SMG1: variants seen among roughly 807,000 people sequenced by gnomAD.
SMG1 encodes SMG1 nonsense mediated mRNA decay associated PI3K related kinase, also known as serine/threonine-protein kinase SMG1.
In SMG1, 22 loss-of-function variants were observed where a neutral mutation model predicts 419.9. The ratio of observed to expected loss-of-function variants is 0.05; its 90% CI spans 0.04 to 0.07. The LOEUF is 0.07. Ranked by LOEUF, SMG1 falls within the 10% of genes least tolerant of loss-of-function variation. The pLI, the probability that SMG1 is intolerant of heterozygous loss-of-function variation, is 1.00. For missense variants in SMG1, 3,185 were observed against 4,342.0 expected (o/e 0.73, Z 7.49); for synonymous variants, 1,538 against 1,553.5 (o/e 0.99, Z 0.23).
At chr16:18,910,694 T>A (rs573637559) in intron 1 of SMG1, among the ~76,000 whole-genome samples, 19 of 152,180 alleles carry the variant, frequency 1.2e-4, no homozygotes, top group Non-Finnish European at 2.8e-4. Flanking sequence ...TACATTCTTA[T>A]AATGATATGA....
chr16:18,917,007 A>G (rs1251145599), intron 1 of SMG1, among the ~76,000 whole-genome samples: 1 of 152,090 alleles, frequency 6.6e-6, no homozygotes, highest in Non-Finnish European at 1.5e-5. Flanking sequence ...CATTCCATAC[A>G]TGTGTCTAAC....
rs1441464446 is a variant in SMG1, at chr16:18,872,252, T to G, written c.2115A>C (p.Lys705Asn). ...GAAGATTTAATATAATTGAGAAATG[T>G]TTCTTTGTAGCCGTAGTTACAGTGC... The part of the protein sequence containing the change: ...VISTVTTATK[K>N]HFSIILNLLG... Residue 705 changes from lysine to asparagine, a missense_variant, in exon 15 of 63, where the codon AAA (lysine) becomes AAC (asparagine). Coordinates refer to ENST00000446231, the MANE Select transcript of SMG1 (RefSeq NM_015092.5). 1 of 1,594,466 alleles carries G rather than the reference T, an allele frequency of 6.3e-7. No homozygotes were observed. Among genetic ancestry groups the G allele is most frequent in the Non-Finnish European group, 8.6e-7 (1 of 1,166,814 alleles).
intron 11 of SMG1, chr16:18,878,069 T>TC (rs1214260756): frequency 6.6e-6 from 1 of 152,164 alleles, no homozygotes; most frequent in Non-Finnish European, 1.5e-5. Context: ...CTTCAGAATG[T>TC]CCATAATAAA....
chr16:18,836,600 T>C, intron 46 of SMG1, 68 bp from the exon 47 acceptor site: 1 of 1,511,058 alleles, frequency 6.6e-7, no homozygotes, highest in South Asian at 1.2e-5. Context: ...TTTCCTACCC[T>C]GGAATGTGCT....
chr16:18,811,654 TTAAGTTCCTTGATGAACTATTAAGGAAA>T, intron 62 of SMG1, 79 bp downstream of exon 62: 2 of 1,010,306 alleles, frequency 2.0e-6, no homozygotes, highest in Admixed American at 3.9e-5. Context: ...GAAAACACAT[TTAAGTTCCTTGATGAACTATTAAGGAAA>T]TCGATGAGAG....
chr16:18,900,884 T>TA (rs1401531278), intron 1 of SMG1, among the ~76,000 whole-genome samples: 1 of 152,210 alleles, frequency 6.6e-6, no homozygotes, highest in Non-Finnish European at 1.5e-5. Context: ...TAATGCCTCT[T>TA]ACCTGGATTC....
intron 51 of SMG1, among the ~76,000 whole-genome samples, chr16:18,832,295 A>T (rs2033242360): frequency 6.6e-6 from 1 of 152,236 alleles, no homozygotes; most frequent in Non-Finnish European, 1.5e-5. Context: ...TGTCTGCAGG[A>T]ACTGCCCAAA....
chr16:18,842,428 T>A lies in SMG1; in HGVS notation c.6246A>T (p.Ala2082=), dbSNP rs375156509. 1 of 1,613,898 alleles carries A rather than the reference T, an allele frequency of 6.2e-7. No homozygotes were observed. Among genetic ancestry groups the A allele is most frequent in the Non-Finnish European group, 8.5e-7 (1 of 1,179,816 alleles). The change falls in exon 40 of 63, where the codon GCA becomes GCT. Residue 2082 remains alanine, a synonymous_variant. Transcript: ENST00000446231. ...KEIMLSLQQR[A]QKRASYILRL... ...GCAAGATGTAACTTGCACGTTTCTG[T>A]GCTCTCTGTTGCAAACTTAGCATTA...
intron 6 of SMG1, among the ~76,000 whole-genome samples, chr16:18,887,863 A>G (rs2036702412): frequency 6.7e-6 from 1 of 149,550 alleles, no homozygotes; most frequent in Non-Finnish European, 1.5e-5. Context: ...TCTTACTCAA[A>G]ACTAAATCAA....
At chr16:18,832,809 G>T in intron 51 of SMG1, 131 bp downstream of exon 51, 1 of 769,530 alleles carries the variant, frequency 1.3e-6, no homozygotes. Context: ...AAAGATACGT[G>T]TATGAGCATT....
chr16:18,887,162 A>G (rs1384107366), intron 6 of SMG1, among the ~76,000 whole-genome samples: 1 of 152,174 alleles, frequency 6.6e-6, no homozygotes, highest in African/African-American at 2.4e-5. Context: ...TATCATATTT[A>G]CAGGTATTTA....
In SMG1 at chr16:18,806,216, AC is replaced by A. The variant is rs1165233717; in HGVS notation, c.*3352del. 1 of 152,612 alleles carries A rather than the reference AC, an allele frequency of 6.6e-6. No homozygotes were observed. The highest frequency in any genetic ancestry group is 1.9e-4 in the East Asian group (1 of 5,200). 9.5% of individuals were successfully genotyped at this position (152,612 alleles called of 1,614,324 possible). On this transcript the variant is annotated 3_prime_UTR_variant, in exon 63 of 63. Coordinates refer to ENST00000446231, the MANE Select transcript of SMG1 (RefSeq NM_015092.5). ...ACAACCACAATTAAAAAAACAAAAA[AC>A]AATGCAGATAACACCAAACATTGGA... is the stretch of plus-strand genomic sequence containing the variant.
Position 18,896,040 on chromosome 16 carries a change from T to G in SMG1, c.412+12A>C, listed in dbSNP as rs1401580097. On this transcript the variant is annotated intron_variant, in intron 3 of 62. Transcript: ENST00000446231. ...AGGTGTATGTGATTGGTCCCCGTTTTCCCAGCCTTACCCTGTGATTTCCTC... is the reference window on the plus strand; with the variant it reads ...AGGTGTATGTGATTGGTCCCCGTTTGCCCAGCCTTACCCTGTGATTTCCTC... The G allele has an allele frequency of 6.2e-7, 1 of 1,611,444 alleles. No individual in the cohort carries two copies. The highest frequency in any genetic ancestry group is 1.1e-5 in the South Asian group (1 of 90,982).
chr16:18,898,437 T>TG (rs34844181), intron 1 of SMG1, among the ~76,000 whole-genome samples: 46,819 of 151,924 alleles, frequency 0.31, 7,943 homozygotes, highest in Non-Finnish European at 0.38. Context: ...GAATATTTTC[T>TG]GAGTATACTA....
At chr16:18,842,476 A>T (rs1246109991) in intron 39 of SMG1, 22 bp from the exon 40 acceptor site, 1 of 1,605,432 alleles carries the variant, frequency 6.2e-7, no homozygotes, top group Non-Finnish European at 8.5e-7. Flanking sequence ...AGATGGGAGA[A>T]ACAAATTTAC....
At chr16:18,836,830 T>G (rs1365846843) in intron 46 of SMG1, among the ~76,000 whole-genome samples, 2 of 152,218 alleles carry the variant, frequency 1.3e-5, no homozygotes, top group African/African-American at 4.8e-5. Context: ...CTTGACACTT[T>G]CATATTCAAC....
chr16:18,863,991 T>C lies in SMG1; in HGVS notation c.3493+11A>G. 6.5e-7 allele frequency: 1 copy of C among 1,549,940 alleles called. No homozygotes were observed. The highest frequency in any genetic ancestry group is 8.7e-7 in the Non-Finnish European group (1 of 1,146,984). On this transcript the variant is annotated intron_variant, in intron 24 of 62. Coordinates refer to ENST00000446231, the MANE Select transcript of SMG1 (RefSeq NM_015092.5). ...TAACTTTTGCTTTATTTAAAAATAC[T>C]GAACGCTCACCATTCAGAGAATGTT...
intron 35 of SMG1, 66 bp downstream of exon 35, chr16:18,849,883 C>T: frequency 6.7e-7 from 1 of 1,482,354 alleles, no homozygotes; most frequent in Non-Finnish European, 9.1e-7. Flanking sequence ...AAGGAAACCA[C>T]TTTTTGAAAT....
At chr16:18,898,164 C>G (rs1248604509) in intron 1 of SMG1, among the ~76,000 whole-genome samples, 4 of 152,192 alleles carry the variant, frequency 2.6e-5, no homozygotes, top group South Asian at 2.1e-4. Context: ...CAGTTGGACA[C>G]CTTGATCTGC....
Sources: gnomAD v4.1 joint callset for allele counts (sites outside exome capture counted in the v4.1 genomes callset) on GRCh38, gnomAD v4.1.1 for gene constraint, MANE v1.5 for transcripts, NCBI Gene and HGNC (gene_info 2026-07-23, HGNC 2026-07-21) for gene names.